CRYZL1: variants seen among roughly 807,000 people sequenced by gnomAD.
The protein encoded by CRYZL1 is ferry endosomal RAB5 effector complex subunit 4.
A neutral mutation model predicts 50.6 loss-of-function variants in CRYZL1; 34 were observed. The ratio of observed to expected loss-of-function variants is 0.67; its 90% confidence interval spans 0.51 to 0.89. The LOEUF (loss-of-function observed/expected upper bound fraction) is 0.89. Ranked by LOEUF, CRYZL1 falls within the 40% of genes least tolerant of loss-of-function variation. CRYZL1 has a pLI of 0.00. For missense variants in CRYZL1, 354 were observed against 402.3 expected (o/e 0.88, Z 1.03); for synonymous variants, 125 against 134.3 (o/e 0.93, Z 0.48).
chr21:33,618,495 C>G (rs1483982145), intron 4 of CRYZL1, among the ~76,000 whole-genome samples: 2 of 151,956 alleles, frequency 1.3e-5, no homozygotes, highest in African/African-American at 2.4e-5. Context: ...CACAATGTAC[C>G]AATAAGGTAG....
At chr21:33,639,489 A>G (rs2087251007) in intron 1 of CRYZL1, among the ~76,000 whole-genome samples, 1 of 152,190 alleles carries the variant, frequency 6.6e-6, no homozygotes, top group African/African-American at 2.4e-5. Context: ...ACTCTGGGAC[A>G]ATGCAGGTGG....
At chr21:33,639,281 A>T (rs1364422268) in intron 1 of CRYZL1, among the ~76,000 whole-genome samples, 1 of 152,230 alleles carries the variant, frequency 6.6e-6, no homozygotes, top group East Asian at 1.9e-4. Flanking sequence ...TCATTATCCC[A>T]AAGATCTGAA....
chr21:33,594,590 GA>G (rs1209689427), intron 11 of CRYZL1: 1 of 149,628 alleles, frequency 6.7e-6, no homozygotes, highest in South Asian at 2.1e-4. Context: ...AAGGGGTTTT[GA>G]AATCTACTCC....
intron 4 of CRYZL1, among the ~76,000 whole-genome samples, chr21:33,621,434 C>T (rs1346888495): frequency 1.3e-5 from 2 of 150,486 alleles, no homozygotes; most frequent in African/African-American, 4.9e-5. Context: ...CTCTGCCTCC[C>T]AGGTTCACGC....
chr21:33,603,589 A>G, intron 6 of CRYZL1, 52 bp from the exon 7 acceptor site: 1 of 1,601,876 alleles, frequency 6.2e-7, no homozygotes, highest in Non-Finnish European at 8.5e-7. Context: ...CACAAGTCCT[A>G]CCTCCTGGAT....
intron 5 of CRYZL1, among the ~76,000 whole-genome samples, chr21:33,613,994 A>C (rs909909460): frequency 2.0e-5 from 3 of 151,622 alleles, no homozygotes; most frequent in Non-Finnish European, 4.4e-5. Context: ...AACATGGAGA[A>C]ACCCTGTCTC....
At chr21:33,607,515 C>A (rs1477910026) in intron 6 of CRYZL1, among the ~76,000 whole-genome samples, 1 of 152,020 alleles carries the variant, frequency 6.6e-6, no homozygotes, top group African/African-American at 2.4e-5. Context: ...GCCTATTGTC[C>A]CAGCTACTTG....
chr21:33,604,217 T>C (rs2086787202), intron 6 of CRYZL1, among the ~76,000 whole-genome samples: 1 of 151,988 alleles, frequency 6.6e-6, no homozygotes, highest in Non-Finnish European at 1.5e-5. Context: ...TAGCCAGGCG[T>C]GGTGGCGGGC....
Position 33,597,398 on chromosome 21 carries a change from C to A in CRYZL1, c.680G>T (p.Arg227Ile), listed in dbSNP as rs769697783. 2.5e-6 allele frequency: 4 copies of A among 1,574,462 alleles called. No individual in the cohort carries two copies. The East Asian group carries it at 9.0e-5, about 35-fold the overall frequency. ...GVDIVLDAGVRLYSKDDEPAV... is the reference protein window; with the variant it reads ...GVDIVLDAGVILYSKDDEPAV... Reference sequence around the variant, plus strand: ...TGGTTCATCATCTTTACTATATAATCTCACTTGCAAGGGAATAGTTTTAAA... The same window carrying A: ...TGGTTCATCATCTTTACTATATAATATCACTTGCAAGGGAATAGTTTTAAA... Residue 227 changes from arginine to isoleucine, a missense_variant, in exon 10 of 13, where the codon AGA (arginine) becomes ATA (isoleucine). Physicochemically the swap from Arg to Ile is moderately conservative, Grantham distance 97. Transcript: ENST00000381554.
At chr21:33,597,849 C>T (rs1311473293) in intron 9 of CRYZL1, among the ~76,000 whole-genome samples, 1 of 152,026 alleles carries the variant, frequency 6.6e-6, no homozygotes, top group South Asian at 2.1e-4. Context: ...CTCCTGACCT[C>T]GTGATCCGCC....
Position 33,626,762 on chromosome 21 carries a change from A to G in CRYZL1, c.67-2002T>C, listed in dbSNP as rs149538834. On this transcript the variant is annotated intron_variant, in intron 2 of 12. Transcript: ENST00000381554. The stretch of plus-strand genomic sequence containing the variant: ...AAAATAGTCCAAATTCAGACACTCA[A>G]TGTCATCCACCTATATTATTAAATA... 1.6e-3 allele frequency among the ~76,000 whole-genome samples: 240 copies of G among 152,186 alleles called. 2 individuals carry two copies. Among genetic ancestry groups the G allele is most frequent in the African/African-American group, 5.5e-3 (230 of 41,532 alleles).
chr21:33,615,502 T>C (rs375370331), intron 5 of CRYZL1, among the ~76,000 whole-genome samples: 48 of 152,284 alleles, frequency 3.2e-4, no homozygotes, highest in African/African-American at 1.1e-3. Flanking sequence ...TTTCTAACTT[T>C]ATGTCTTCCA....
At chr21:33,631,462 T>G (rs776827429) in intron 2 of CRYZL1, 24 bp downstream of exon 2, 1 of 1,469,188 alleles carries the variant, frequency 6.8e-7, no homozygotes, top group Non-Finnish European at 9.1e-7. Context: ...CTAACTACTT[T>G]AATGATTAAA....
At chr21:33,615,741 T>G (rs1026166086) in intron 5 of CRYZL1, among the ~76,000 whole-genome samples, 2 of 152,196 alleles carry the variant, frequency 1.3e-5, no homozygotes, top group African/African-American at 4.8e-5. Context: ...ATGATTTCAG[T>G]TGAAACGGTG....
chr21:33,641,600 G>A, intron 1 of CRYZL1, 81 bp downstream of exon 1: 1 of 283,202 alleles, frequency 3.5e-6, no homozygotes, highest in South Asian at 3.9e-5. Flanking sequence ...CCCCAGGGCT[G>A]CACGGTTCTG....
chr21:33,593,845 C>CGTG (rs769944487), intron 11 of CRYZL1, among the ~76,000 whole-genome samples: 11 of 151,570 alleles, frequency 7.3e-5, no homozygotes, highest in Non-Finnish European at 1.6e-4. Flanking sequence ...ATTAGCCAGG[C>CGTG]GTGGTGGCGC....
chr21:33,633,769 T>A (rs1473908074), intron 1 of CRYZL1: 1 of 152,222 alleles, frequency 6.6e-6, no homozygotes, highest in African/African-American at 2.4e-5. Flanking sequence ...TCTGGCTACA[T>A]AATTTGCAGA....
chr21:33,590,614 C>T (rs2086634852), intron 12 of CRYZL1, among the ~76,000 whole-genome samples: 1 of 151,962 alleles, frequency 6.6e-6, no homozygotes, highest in Non-Finnish European at 1.5e-5. Flanking sequence ...CAGTGTTTTG[C>T]CATGTTGGCC....
chr21:33,618,731 A>C (rs760044877), intron 4 of CRYZL1, among the ~76,000 whole-genome samples: 1 of 151,762 alleles, frequency 6.6e-6, no homozygotes, highest in Non-Finnish European at 1.5e-5. Context: ...TCATCCCCCA[A>C]TCCTTTTGGC....
Sources: gnomAD v4.1 joint callset for allele counts (sites outside exome capture counted in the v4.1 genomes callset) on GRCh38, gnomAD v4.1.1 for gene constraint, MANE v1.5 for transcripts, NCBI Gene and HGNC (gene_info 2026-07-23, HGNC 2026-07-21) for gene names.